The following LYN variants were observed in gnomAD, a reference collection of about 807,000 sequenced individuals.
LYN encodes the protein tyrosine-protein kinase Lyn.
A neutral mutation model predicts 65.0 loss-of-function variants in LYN; 12 were observed. The observed-to-expected ratio is 0.18, with a 90% CI of 0.12 to 0.30. The LOEUF is 0.30. LYN is among the 10% of genes least tolerant of loss of function. The pLI, the probability that LYN is intolerant of heterozygous loss-of-function variation, is 1.00. For synonymous variants in LYN, 222 were observed against 221.2 expected (o/e 1.00, Z -0.03); for missense variants, 380 against 623.2 (o/e 0.61, Z 4.16).
intron 1 of LYN, among the ~76,000 whole-genome samples, chr8:55,891,553 G>C (rs1323647145): frequency 3.3e-5 from 5 of 152,208 alleles, no homozygotes; most frequent in African/African-American, 1.2e-4. Flanking sequence ...GGAATGGGAA[G>C]TTACTGCTTA....
intron 10 of LYN, among the ~76,000 whole-genome samples, chr8:55,972,118 T>C (rs1807624151): frequency 6.6e-6 from 1 of 152,204 alleles, no homozygotes; most frequent in East Asian, 1.9e-4. Flanking sequence ...TTCCTAGCAG[T>C]GGCCCCTTGG....
In LYN at chr8:55,999,564, G is replaced by A; in HGVS notation, c.1336+15G>A. 1 of 1,612,262 alleles carries A rather than the reference G, an allele frequency of 6.2e-7. No homozygotes were observed. Among genetic ancestry groups the A allele is most frequent in the Non-Finnish European group, 8.5e-7 (1 of 1,178,470 alleles). ...TCCCTACCCAGGTATGGTTTACTTA[G>A]CTATTTACAATCAAGCTGTATAAAT... On this transcript the variant is annotated intron_variant, in intron 12 of 12. Coordinates refer to ENST00000519728, the MANE Select transcript of LYN (RefSeq NM_002350.4).
intron 1 of LYN, among the ~76,000 whole-genome samples, chr8:55,917,875 A>G (rs1027469729): frequency 1.3e-5 from 2 of 152,272 alleles, no homozygotes; most frequent in African/African-American, 4.8e-5. Context: ...TTTGTCAAAC[A>G]TGACTGTGTA....
intron 10 of LYN, among the ~76,000 whole-genome samples, chr8:55,985,893 T>C (rs1563324584): frequency 6.6e-6 from 1 of 152,112 alleles, no homozygotes; most frequent in Non-Finnish European, 1.5e-5. Context: ...GTGACCAGGC[T>C]CAGTGGCTCA....
At chr8:55,917,122 GCC>G (rs1276232045) in intron 1 of LYN, among the ~76,000 whole-genome samples, 2 of 151,460 alleles carry the variant, frequency 1.3e-5, no homozygotes, top group African/African-American at 4.9e-5. Flanking sequence ...GCTGCAGTGA[GCC>G]AAGATCACAC....
At chr8:55,966,998 G>T (rs1419667088) in intron 9 of LYN, 101 bp downstream of exon 9, 1 of 1,087,832 alleles carries the variant, frequency 9.2e-7, no homozygotes, top group African/African-American at 1.6e-5. Context: ...TTATCAAACA[G>T]TATACCCACT....
At chr8:55,978,919 A>G (rs1246653475) in intron 10 of LYN, among the ~76,000 whole-genome samples, 1 of 149,222 alleles carries the variant, frequency 6.7e-6, no homozygotes, top group Non-Finnish European at 1.5e-5. Flanking sequence ...GCCCTGGCTG[A>G]CTCCTCTTCC....
intron 1 of LYN, among the ~76,000 whole-genome samples, chr8:55,939,262 G>A (rs2130468287): frequency 6.6e-6 from 1 of 152,304 alleles, no homozygotes; most frequent in South Asian, 2.1e-4. Flanking sequence ...CTGTGCCTGA[G>A]CAGTGAGGCC....
intron 8 of LYN, among the ~76,000 whole-genome samples, chr8:55,961,093 G>C (rs1807258876): frequency 6.6e-6 from 1 of 152,156 alleles, no homozygotes; most frequent in African/African-American, 2.4e-5. Flanking sequence ...ATTCTCATTT[G>C]AGCCAACTGC....
chr8:55,897,531 A>T (rs1333123175), intron 1 of LYN, among the ~76,000 whole-genome samples: 1 of 152,150 alleles, frequency 6.6e-6, no homozygotes, highest in Non-Finnish European at 1.5e-5. Flanking sequence ...CCTCCATTTT[A>T]ACAGAAAACC....
chr8:55,921,769 T>C (rs1234987939), intron 1 of LYN, among the ~76,000 whole-genome samples: 1 of 152,206 alleles, frequency 6.6e-6, no homozygotes, highest in African/African-American at 2.4e-5. Context: ...GGTTTTGTCC[T>C]GTTGGCAGGA....
At chr8:56,004,275 A>G (rs1188600296) in intron 12 of LYN, among the ~76,000 whole-genome samples, 1 of 150,154 alleles carries the variant, frequency 6.7e-6, no homozygotes, top group African/African-American at 2.5e-5. Context: ...ACATTAAAAA[A>G]GTAGTACAGA....
intron 1 of LYN, among the ~76,000 whole-genome samples, chr8:55,934,003 G>A (rs1806343847): frequency 6.6e-6 from 1 of 152,270 alleles, no homozygotes; most frequent in South Asian, 2.1e-4. Flanking sequence ...CAAGGCGGGC[G>A]GATCACAAGG....
chr8:55,922,960 C>A (rs1805988626), intron 1 of LYN, among the ~76,000 whole-genome samples: 1 of 151,956 alleles, frequency 6.6e-6, no homozygotes, highest in South Asian at 2.1e-4. Context: ...GAAAAGAAAT[C>A]AAAACTCACT....
intron 1 of LYN, among the ~76,000 whole-genome samples, chr8:55,888,167 A>AGT (rs1310691247): frequency 6.6e-6 from 1 of 152,170 alleles, no homozygotes; most frequent in Non-Finnish European, 1.5e-5. Context: ...AGCTACTGGG[A>AGT]GTCCCGCACA....
At chr8:55,930,935 G>A (rs532974500) in intron 1 of LYN, among the ~76,000 whole-genome samples, 2 of 152,124 alleles carry the variant, frequency 1.3e-5, no homozygotes, top group East Asian at 3.9e-4. Flanking sequence ...AGAGATGTGA[G>A]CCCCCATGCA....
intron 1 of LYN, among the ~76,000 whole-genome samples, chr8:55,920,191 C>T (rs1381912339): frequency 6.6e-6 from 1 of 151,880 alleles, no homozygotes; most frequent in East Asian, 1.9e-4. Context: ...AAACCTGGAC[C>T]ACTAGAATTC....
chr8:55,976,927 G>A (rs1490075276), intron 10 of LYN, among the ~76,000 whole-genome samples: 1 of 152,194 alleles, frequency 6.6e-6, no homozygotes, highest in Non-Finnish European at 1.5e-5. Context: ...GCTCATGGCT[G>A]TAATCCCAGC....
At chr8:55,988,415 A>C (rs1808143179) in intron 10 of LYN, among the ~76,000 whole-genome samples, 1 of 151,982 alleles carries the variant, frequency 6.6e-6, no homozygotes, top group African/African-American at 2.4e-5. Context: ...GTTATAAAAA[A>C]ATCCTTTAGA....
Sources: allele counts gnomAD v4.1 joint callset (sites outside exome capture counted in the v4.1 genomes callset), GRCh38; gene constraint gnomAD v4.1.1; transcripts MANE v1.5; gene names NCBI Gene and HGNC (gene_info 2026-07-23, HGNC 2026-07-21).